KCNQ1: variants seen among roughly 807,000 people sequenced by gnomAD.
The protein encoded by KCNQ1 is potassium voltage-gated channel subfamily Q member 1, also known as potassium voltage-gated channel subfamily KQT member 1.
In KCNQ1, 49 loss-of-function variants were observed where a neutral mutation model predicts 72.4. That is an observed-to-expected ratio of 0.68 (90% confidence interval 0.54 to 0.86). The LOEUF is 0.86. KCNQ1 is among the 40% of genes least tolerant of loss of function. The pLI is 0.00. For missense variants in KCNQ1, 790 were observed against 945.1 expected, an observed-to-expected ratio of 0.84 and a Z score of 2.15; for synonymous variants, 450 against 412.6, an observed-to-expected ratio of 1.09 and a Z score of -1.10.
rs1850121740 is a variant in KCNQ1 at position 2,668,369 on chromosome 11, T to G, written c.1514+6288T>G. ...TGGGTGGGCATATGTTTACTCTTAG[T>G]GAATACTACCCAGCAGTCTACCAAA... On this transcript the variant is annotated intron_variant, in intron 11 of 15. Transcript: ENST00000155840. This position sits in a 1 kb window ranked among gnomAD's most constrained non-coding sequence, Gnocchi z 4.3. 2 of 398,530 alleles carry G rather than the reference T, an allele frequency of 5.0e-6. No individual in the cohort carries two copies. Among genetic ancestry groups the G allele is most frequent in the Non-Finnish European group, 8.8e-6 (2 of 226,080 alleles). The allele number at this position is 398,530 out of a possible 1,614,324, so 24.7% of individuals were successfully genotyped here.
intron 2 of KCNQ1, among the ~76,000 whole-genome samples, chr11:2,546,248 T>A (rs1392937894): frequency 6.6e-6 from 1 of 152,206 alleles, no homozygotes; most frequent in Non-Finnish European, 1.5e-5. Flanking sequence ...ATTTAGGGAT[T>A]TTCAAGATAC....
At chr11:2,530,579 G>A (rs1301685836) in intron 2 of KCNQ1, among the ~76,000 whole-genome samples, 1 of 152,242 alleles carries the variant, frequency 6.6e-6, no homozygotes, top group Non-Finnish European at 1.5e-5. Flanking sequence ...GTACACGCAT[G>A]TGCGTGTTTA....
At chr11:2,722,150 G>A (rs1490582122) in intron 11 of KCNQ1, among the ~76,000 whole-genome samples, 2 of 152,296 alleles carry the variant, frequency 1.3e-5, no homozygotes, top group Non-Finnish European at 2.9e-5. Flanking sequence ...CTTGGATCCT[G>A]AGGTCCTGAG....
At position 2,682,512 on chromosome 11, in the gene KCNQ1, G is replaced by C. The variant is rs148903412; in HGVS notation, c.1514+20431G>C. 642 of 397,878 alleles carry C rather than the reference G, an allele frequency of 1.6e-3. 1 individual carries two copies. The highest frequency in any genetic ancestry group is 0.012 in the African/African-American group (575 of 48,270). 24.6% of individuals were successfully genotyped at this position (397,878 alleles called of 1,614,324 possible). On this transcript the variant is annotated intron_variant, in intron 11 of 15. Transcript: ENST00000155840. This position sits in a 1 kb window ranked among gnomAD's most constrained non-coding sequence, Gnocchi z 5.8. Reference sequence around the variant, plus strand: ...TGAGTGAGTGAGTGAGTGAGTACTTGTGCCCAGGTCAAACCAGGTGCTAGG... The same window carrying C: ...TGAGTGAGTGAGTGAGTGAGTACTTCTGCCCAGGTCAAACCAGGTGCTAGG...
rs142501891 is a variant in KCNQ1, at chr11:2,555,106, TC to T, written c.478-15520del. Among the ~76,000 whole-genome samples, 512 of 152,252 alleles carry T rather than the reference TC, an allele frequency of 3.4e-3. 4 individuals carry two copies. Among genetic ancestry groups the T allele is most frequent in the African/African-American group, 0.012 (495 of 41,558 alleles). ...CTGAAGGGCCGGTGTGGGTTGCAGC[TC>T]CTCAATCTCTGCTAAAGTAAACAGG... On this transcript the variant is annotated intron_variant, in intron 2 of 15. Transcript: ENST00000155840.
chr11:2,461,699 C>T lies in KCNQ1; in HGVS notation c.386+16215C>T, dbSNP rs141322646. 2.5e-4 allele frequency: 340 copies of T among 1,367,040 alleles called. No homozygotes were observed. Among genetic ancestry groups the T allele is most frequent in the Middle Eastern group, 1.9e-3 (9 of 4,760 alleles). The allele number at this position is 1,367,040 out of a possible 1,614,324, so 84.7% of individuals were successfully genotyped here. On this transcript the variant is annotated intron_variant, in intron 1 of 15. Coordinates refer to ENST00000155840, the MANE Select transcript of KCNQ1 (RefSeq NM_000218.3). ...AGAGCCTGTGCTTCCTGAGCCAGTG[C>T]GGGGCCTGGCATGGAGTAGGTACCC...
In KCNQ1 at chr11:2,640,344, T is replaced by G. The variant is rs1029307173; in HGVS notation, c.1394-21617T>G. The G allele has an allele frequency of 4.3e-5, 17 of 398,476 alleles. No individual in the cohort carries two copies. The highest frequency in any genetic ancestry group is 4.4e-5 in the Admixed American group (1 of 22,708). 24.7% of individuals were successfully genotyped at this position (398,476 alleles called of 1,614,324 possible). A position where few individuals can be genotyped will look rare whatever the true frequency, so the allele number is the denominator to read the frequency against. ...TGGAGCTCCTCCTATTCGGCCATCT[T>G]GGAACCACCCCACTTACTGCAATCT... is the stretch of plus-strand genomic sequence containing the variant. On this transcript the variant is annotated intron_variant, in intron 10 of 15. Coordinates refer to ENST00000155840, the MANE Select transcript of KCNQ1 (RefSeq NM_000218.3).
chr11:2,664,882 A>G lies in KCNQ1; in HGVS notation c.1514+2801A>G. ...TCCAGAATTCAAATTAAAAACATAA[A>G]TAAAGACACATTTTGTTTCCATCTC... On this transcript the variant is annotated intron_variant, in intron 11 of 15. Coordinates refer to ENST00000155840, the MANE Select transcript of KCNQ1 (RefSeq NM_000218.3). The surrounding 1 kb of genome is among the most constrained non-coding windows in gnomAD (Gnocchi z 5.1). The G allele has an allele frequency of 2.5e-6, 1 of 398,678 alleles. No homozygotes were observed. The highest frequency in any genetic ancestry group is 4.4e-6 in the Non-Finnish European group (1 of 226,088). The allele number at this position is 398,678 out of a possible 1,614,324, so 24.7% of individuals were successfully genotyped here. A position where few individuals can be genotyped will look rare whatever the true frequency, so the allele number is the denominator to read the frequency against.
rs913707354 is a variant in KCNQ1, at chr11:2,579,654, G to A, written c.922-3781G>A. 6.6e-6 allele frequency among the ~76,000 whole-genome samples: 1 copy of A among 152,184 alleles called. No homozygotes were observed. The highest frequency in any genetic ancestry group is 2.4e-5 in the African/African-American group (1 of 41,454). On this transcript the variant is annotated intron_variant, in intron 6 of 15. Transcript: ENST00000155840. This position sits in a 1 kb window ranked among gnomAD's most constrained non-coding sequence, Gnocchi z 6.0. Reference sequence around the variant, plus strand: ...GCAGACAGGCAGACCAGGCGAAGGTGGGGTCCTGGAGCTGCGTCCTGCTGT... The same window carrying A: ...GCAGACAGGCAGACCAGGCGAAGGTAGGGTCCTGGAGCTGCGTCCTGCTGT...
intron 10 of KCNQ1, among the ~76,000 whole-genome samples, chr11:2,597,156 T>A (rs746510437): frequency 6.6e-6 from 1 of 152,178 alleles, no homozygotes; most frequent in Non-Finnish European, 1.5e-5. Context: ...TTGAAACTTA[T>A]CTGATTATTA....
At position 2,550,887 on chromosome 11, in the gene KCNQ1, G is replaced by A. The variant is rs938292697; in HGVS notation, c.478-19741G>A. Among the ~76,000 whole-genome samples, 1 of 152,024 alleles carries A rather than the reference G, an allele frequency of 6.6e-6. No homozygotes were observed. Among genetic ancestry groups the A allele is most frequent in the African/African-American group, 2.4e-5 (1 of 41,392 alleles). ...CTGGGGAGGCTGCCAAGTGAGGGGG[G>A]GGCACAGACTGAGACAGGGTCCCCG... is the stretch of plus-strand genomic sequence containing the variant. On this transcript the variant is annotated intron_variant, in intron 2 of 15. Transcript: ENST00000155840. This position sits in a 1 kb window ranked among gnomAD's most constrained non-coding sequence, Gnocchi z 6.0.
chr11:2,681,398 A>G, intron 11 of KCNQ1: 1 of 398,482 alleles, frequency 2.5e-6, no homozygotes, highest in Non-Finnish European at 4.4e-6. Context: ...TGGGGTGACT[A>G]AAGGCAAAGA....
chr11:2,743,584 TG>T, intron 11 of KCNQ1, among the ~76,000 whole-genome samples: 1 of 152,310 alleles, frequency 6.6e-6, no homozygotes, highest in South Asian at 2.1e-4. Context: ...CGCCAGTCCC[TG>T]CATGGCCCTA....
intron 11 of KCNQ1, among the ~76,000 whole-genome samples, chr11:2,738,082 A>G (rs1845988681): frequency 1.3e-5 from 2 of 152,194 alleles, no homozygotes; most frequent in South Asian, 4.1e-4. Flanking sequence ...TGGCCCCAGG[A>G]GCCTGGGCCT....
chr11:2,458,818 A>T lies in KCNQ1; in HGVS notation c.386+13334A>T, dbSNP rs549767248. Among the ~76,000 whole-genome samples, 1 of 152,236 alleles carries T rather than the reference A, an allele frequency of 6.6e-6. No homozygotes were observed. Among genetic ancestry groups the T allele is most frequent in the Non-Finnish European group, 1.5e-5 (1 of 68,042 alleles). On this transcript the variant is annotated intron_variant, in intron 1 of 15. Coordinates refer to ENST00000155840, the MANE Select transcript of KCNQ1 (RefSeq NM_000218.3). This position sits in a 1 kb window ranked among gnomAD's most constrained non-coding sequence, Gnocchi z 4.6. ...GTGGTGGGGGATGGCTCTGTAGGAC[A>T]CATGACCTGATTTCCTCAGTAAGTC...
chr11:2,807,619 C>T (rs1048457625), intron 15 of KCNQ1, among the ~76,000 whole-genome samples: 13 of 152,232 alleles, frequency 8.5e-5, no homozygotes, highest in African/African-American at 2.9e-4. Context: ...CTCCGCAACC[C>T]GCGCCAGGAC....
chr11:2,761,548 A>G (rs956516253), intron 11 of KCNQ1, among the ~76,000 whole-genome samples: 2 of 152,182 alleles, frequency 1.3e-5, no homozygotes, highest in African/African-American at 4.8e-5. Flanking sequence ...AACCCTAGCC[A>G]GGGACCCGCC....
chr11:2,829,161 GA>G (rs1321943320), intron 15 of KCNQ1, among the ~76,000 whole-genome samples: 1 of 152,136 alleles, frequency 6.6e-6, no homozygotes, highest in Non-Finnish European at 1.5e-5. Context: ...CAAAGAAAGA[GA>G]AACACAATTC....
At position 2,752,713 on chromosome 11, in the gene KCNQ1, C is replaced by T. The variant is rs867796000; in HGVS notation, c.1515-16131C>T. ...TCACGGCCGAATCACCTCTCAAATG[C>T]GCCATCTCCTAACACCATCAGGGCT... On this transcript the variant is annotated intron_variant, in intron 11 of 15. Transcript: ENST00000155840. This position sits in a 1 kb window ranked among gnomAD's most constrained non-coding sequence, Gnocchi z 5.2. Among the ~76,000 whole-genome samples, 4 of 152,134 alleles carry T rather than the reference C, an allele frequency of 2.6e-5. No homozygotes were observed. Among genetic ancestry groups the T allele is most frequent in the African/African-American group, 4.8e-5 (2 of 41,438 alleles).
Sources: gnomAD v4.1 joint callset for allele counts (sites outside exome capture counted in the v4.1 genomes callset) on GRCh38, gnomAD v4.1.1 for gene constraint, Gnocchi (gnomAD v3.1) non-coding constraint, MANE v1.5 for transcripts, NCBI Gene and HGNC (gene_info 2026-07-23, HGNC 2026-07-21) for gene names.